The following DRD2 variants were observed in gnomAD, a reference collection of about 807,000 sequenced individuals.
DRD2 encodes the protein D(2) dopamine receptor.
In DRD2, 8 loss-of-function variants were observed where a neutral mutation model predicts 38.0. The observed-to-expected ratio is 0.21, with a 90% confidence interval of 0.12 to 0.38. The LOEUF is 0.38. Ranked by LOEUF, DRD2 falls within the 10% of genes least tolerant of loss-of-function variation. The probability of loss-of-function intolerance (pLI) is 1.00; values close to 1 mark genes in which losing one functional copy is unlikely to be tolerated. For missense variants in DRD2, 403 were observed against 607.7 expected (o/e 0.66, Z 3.54); for synonymous variants, 230 against 238.6 (o/e 0.96, Z 0.33).
intron 1 of DRD2, chr11:113,425,040 G>A (rs1950927218): frequency 3.4e-6 from 1 of 298,308 alleles, no homozygotes; most frequent in Non-Finnish European, 6.4e-6. Flanking sequence ...AAACAGAAAT[G>A]GGTATTCATT....
At chr11:113,451,323 A>G (rs1461323269) in intron 1 of DRD2, among the ~76,000 whole-genome samples, 1 of 152,182 alleles carries the variant, frequency 6.6e-6, no homozygotes, top group Non-Finnish European at 1.5e-5. Context: ...GTTAGAAAAG[A>G]TGGTAACATG....
Position 113,475,304 on chromosome 11 carries a change from G to T in DRD2, c.-260C>A, listed in dbSNP as rs1320658925. The T allele has an allele frequency of 2.0e-5, 3 of 147,840 alleles. No homozygotes were observed. The highest frequency in any genetic ancestry group is 3.0e-5 in the Non-Finnish European group (2 of 66,094). The allele number at this position is 147,840 out of a possible 1,614,324, so 9.2% of individuals were successfully genotyped here. A position where few individuals can be genotyped will look rare whatever the true frequency, so the allele number is the denominator to read the frequency against. On this transcript the variant is annotated 5_prime_UTR_variant, in exon 1 of 8. Transcript: ENST00000362072. ...TGGACGGGCCGCGGCGGGGCGGGGC[G>T]GGGCGGGGCCGGGCGCGGGGCGGGC...
intron 1 of DRD2, among the ~76,000 whole-genome samples, chr11:113,444,557 C>G (rs1347572503): frequency 1.3e-5 from 2 of 152,204 alleles, no homozygotes; most frequent in African/African-American, 4.8e-5. Context: ...TGTTCAGTCT[C>G]TAACGGGGCT....
chr11:113,424,976 C>T (rs1422229373), intron 1 of DRD2: 17 of 406,466 alleles, frequency 4.2e-5, no homozygotes, highest in Non-Finnish European at 5.5e-5. Context: ...TTCTTAAGCA[C>T]GACCCATGCA....
intron 1 of DRD2, among the ~76,000 whole-genome samples, chr11:113,465,652 T>C (rs555008253): frequency 6.6e-6 from 1 of 152,320 alleles, no homozygotes; most frequent in East Asian, 1.9e-4. Context: ...CAAAACTCCA[T>C]GGTCTAACCT....
In DRD2 at chr11:113,412,564, A is replaced by G. The variant is rs777958204; in HGVS notation, c.1130T>C (p.Ile377Thr). ...AGCCAGGGCCGACTCACCGAGAACA[A>G]TGGCGAGCATCTGAGTGGCTTTCTT... ...KEKKATQMLA[I>T]VLGVFIICWL... Residue 377 changes from isoleucine (I) to threonine (T), a missense_variant, in exon 7 of 8, where the codon ATT (isoleucine) becomes ACT (threonine). Coordinates refer to ENST00000362072, the MANE Select transcript of DRD2 (RefSeq NM_000795.4). 3 of 1,613,398 alleles carry G rather than the reference A, an allele frequency of 1.9e-6. No individual in the cohort carries two copies. The highest frequency in any genetic ancestry group is 2.2e-5 in the East Asian group (1 of 44,872).
At chr11:113,446,221 C>G (rs535802764) in intron 1 of DRD2, among the ~76,000 whole-genome samples, 5 of 152,270 alleles carry the variant, frequency 3.3e-5, no homozygotes, top group South Asian at 2.1e-4. Context: ...GTCACCCCAC[C>G]TCCATGGATC....
At chr11:113,438,177 T>G (rs1951056076) in intron 1 of DRD2, among the ~76,000 whole-genome samples, 1 of 151,980 alleles carries the variant, frequency 6.6e-6, no homozygotes. Context: ...GGTGTGTCAA[T>G]GCGTCCTATT....
chr11:113,456,163 C>T (rs1372670865), intron 1 of DRD2, among the ~76,000 whole-genome samples: 1 of 152,152 alleles, frequency 6.6e-6, no homozygotes, highest in Non-Finnish European at 1.5e-5. Flanking sequence ...ATCTAGGGGA[C>T]ATTACACTAA....
At chr11:113,426,997 G>A (rs140428460) in intron 1 of DRD2, among the ~76,000 whole-genome samples, 104 of 152,326 alleles carry the variant, frequency 6.8e-4, no homozygotes, top group African/African-American at 2.3e-3. Flanking sequence ...GGCCTGAGGC[G>A]TGTGAGGCAC....
rs775364912 is a variant in DRD2 at position 113,418,116 on chromosome 11, G to A, written c.306C>T (p.Phe102=). The change falls in exon 3 of 8, where the codon TTC becomes TTT. Residue 102 remains phenylalanine (F), a synonymous_variant. Transcript: ENST00000362072. ...CGAAGATGTCACAGTGAATCCTGCT[G>A]AATTTCCACTCACCTACCACCTGGG... The part of the protein sequence containing the change: ...VYLEVVGEWK[F]SRIHCDIFVT... 3 of 1,614,146 alleles carry A rather than the reference G, an allele frequency of 1.9e-6. No individual in the cohort carries two copies. Among genetic ancestry groups the A allele is most frequent in the Middle Eastern group, 1.6e-4 (1 of 6,062 alleles).
intron 1 of DRD2, among the ~76,000 whole-genome samples, chr11:113,442,886 T>G (rs1951107344): frequency 6.6e-6 from 1 of 152,200 alleles, no homozygotes; most frequent in Admixed American, 6.5e-5. Flanking sequence ...GGCCTGCCCA[T>G]TACCTTTGTG....
chr11:113,417,973 G>A (rs1950842594), intron 3 of DRD2, 54 bp downstream of exon 3: 2 of 1,460,446 alleles, frequency 1.4e-6, no homozygotes, highest in Non-Finnish European at 1.9e-6. Context: ...AAAAGCTGGG[G>A]CAGCCAGAAT....
chr11:113,431,344 C>T (rs755002941), intron 1 of DRD2, among the ~76,000 whole-genome samples: 2 of 152,204 alleles, frequency 1.3e-5, no homozygotes, highest in Non-Finnish European at 2.9e-5. Flanking sequence ...TCATTCCACC[C>T]TCACCATGCA....
At chr11:113,423,213 A>G (rs1050901245) in intron 2 of DRD2, among the ~76,000 whole-genome samples, 1 of 152,140 alleles carries the variant, frequency 6.6e-6, no homozygotes, top group African/African-American at 2.4e-5. Context: ...TCTCCCTGTG[A>G]CCTGGGTGAA....
At chr11:113,428,771 G>T (rs1172175621) in intron 1 of DRD2, among the ~76,000 whole-genome samples, 2 of 152,136 alleles carry the variant, frequency 1.3e-5, no homozygotes, top group African/African-American at 4.8e-5. Flanking sequence ...ATACAGGCAT[G>T]TGCCACCATG....
At position 113,415,421 on chromosome 11, in the gene DRD2, C is replaced by T; in HGVS notation, c.723G>A (p.Lys241=). Residue 241 remains lysine (K), a splice_region_variant and synonymous_variant, in exon 5 of 8, where the codon AAG becomes AAA. Coordinates refer to ENST00000362072, the MANE Select transcript of DRD2 (RefSeq NM_000795.4). ...AGTTGGTTGGGGGGTGTCTTGAGACCTTTAGTGGAGCCCTCAGGTGGGCCC... is the reference window on the plus strand; with the variant it reads ...AGTTGGTTGGGGGGTGTCTTGAGACTTTTAGTGGAGCCCTCAGGTGGGCCC... ...AFRAHLRAPL[K]GNCTHPEDMK... 1 of 1,611,666 alleles carries T rather than the reference C, an allele frequency of 6.2e-7. No individual in the cohort carries two copies. The highest frequency in any genetic ancestry group is 8.5e-7 in the Non-Finnish European group (1 of 1,178,488).
intron 1 of DRD2, among the ~76,000 whole-genome samples, chr11:113,454,018 A>T (rs1315193354): frequency 1.3e-5 from 2 of 152,160 alleles, no homozygotes; most frequent in Non-Finnish European, 2.9e-5. Flanking sequence ...ACTGGGAAAG[A>T]CATTTTATAT....
intron 2 of DRD2, among the ~76,000 whole-genome samples, chr11:113,418,983 T>A (rs1304309166): frequency 6.6e-6 from 1 of 152,228 alleles, no homozygotes; most frequent in East Asian, 1.9e-4. Context: ...CTGGCTTCCC[T>A]GTGTTATCAC....
Sources: allele counts gnomAD v4.1 joint callset (sites outside exome capture counted in the v4.1 genomes callset), GRCh38; gene constraint gnomAD v4.1.1; transcripts MANE v1.5; gene names NCBI Gene and HGNC (gene_info 2026-07-23, HGNC 2026-07-21).